Variants in NEBL observed in about 807,000 individuals in gnomAD.
NEBL encodes nebulette, also known as LIM and SH3 protein 2.
A neutral mutation model predicts 140.2 loss-of-function variants in NEBL; 122 were observed. The ratio of observed to expected loss-of-function variants is 0.87; its 90% CI spans 0.75 to 1.01. The LOEUF (loss-of-function observed/expected upper bound fraction) is 1.01, where lower values mean the gene tolerates loss of function less well. NEBL is among the 50% of genes least tolerant of loss of function. The pLI is 0.00. For missense variants in NEBL, 1,365 were observed against 1,231.3 expected, an observed-to-expected ratio of 1.11 and a Z score of -1.62; for synonymous variants, 436 against 398.9, an observed-to-expected ratio of 1.09 and a Z score of -1.11.
intron 15 of NEBL, 50 bp downstream of exon 15, chr10:20,831,423 C>G: frequency 6.5e-7 from 1 of 1,531,862 alleles, no homozygotes; most frequent in South Asian, 1.1e-5. Flanking sequence ...CTCTTTCCAG[C>G]TATGATTCAC....
chr10:21,155,788 C>T (rs750142092), intron 2 of NEBL, among the ~76,000 whole-genome samples: 1 of 152,204 alleles, frequency 6.6e-6, no homozygotes, highest in South Asian at 2.1e-4. Context: ...TGGAAAAGCA[C>T]TATCACATGG....
rs1273194691 is a variant in NEBL, at chr10:21,130,303, T to C, written c.164+42080A>G. Among the ~76,000 whole-genome samples, 10 of 151,990 alleles carry C rather than the reference T, an allele frequency of 6.6e-5. No homozygotes were observed. The East Asian group carries it at 1.4e-3, about 21-fold the overall frequency. On this transcript the variant is annotated intron_variant, in intron 2 of 6. Transcript: ENST00000417816. ...GAAGCAGATGAGTTTACTCTTACAG[T>C]TGGAAATTTCAACACCCCTCTATCA...
At chr10:21,204,467 G>A (rs773204583) in intron 3 of NEBL, among the ~76,000 whole-genome samples, 15 of 151,604 alleles carry the variant, frequency 9.9e-5, no homozygotes, top group South Asian at 2.1e-4. Flanking sequence ...CTTTCCATGC[G>A]CACATGATGA....
intron 1 of NEBL, among the ~76,000 whole-genome samples, chr10:21,256,822 G>C (rs1301620830): frequency 6.6e-6 from 1 of 152,220 alleles, no homozygotes; most frequent in Non-Finnish European, 1.5e-5. Context: ...CTAGGCAACA[G>C]AGCAAGACCC....
In NEBL at chr10:20,785,683, T is replaced by A. The variant is rs911963090; in HGVS notation, c.*64A>T. The A allele has an allele frequency of 8.5e-6, 13 of 1,532,230 alleles. No homozygotes were observed. The East Asian group carries it at 2.8e-4, about 33-fold the overall frequency. 94.9% of individuals were successfully genotyped at this position (1,532,230 alleles called of 1,614,324 possible). On this transcript the variant is annotated 3_prime_UTR_variant, in exon 28 of 28. Transcript: ENST00000377122. ...GCCAAGTTGTCTTAAAAGTATCTTC[T>A]ATCTTTTAAAAAGATTAGGTTTGGG...
chr10:20,891,439 A>G (rs1250578947), intron 2 of NEBL, among the ~76,000 whole-genome samples: 1 of 152,204 alleles, frequency 6.6e-6, no homozygotes, highest in African/African-American at 2.4e-5. Context: ...CCGTTATATA[A>G]TTAAGTGTGA....
At chr10:21,020,140 G>C in exon 3 of NEBL, 1 of 1,614,078 alleles carries the variant, frequency 6.2e-7, no homozygotes, top group Non-Finnish European at 8.5e-7. Context: ...TCACTTTGCT[G>C]CTTCAGGCGA....
chr10:20,813,849 G>A (rs1838411060), intron 23 of NEBL, 90 bp downstream of exon 23: 2 of 866,236 alleles, frequency 2.3e-6, no homozygotes, highest in Admixed American at 1.8e-5. Context: ...TGCTTTGTTA[G>A]TTATCGGATT....
At chr10:21,277,918 G>A (rs1842944578) in intron 1 of NEBL, among the ~76,000 whole-genome samples, 1 of 152,140 alleles carries the variant, frequency 6.6e-6, no homozygotes, top group African/African-American at 2.4e-5. Flanking sequence ...CTTCTTGTTT[G>A]TAAACTGGGA....
intron 3 of NEBL, among the ~76,000 whole-genome samples, chr10:21,225,988 C>T (rs941667904): frequency 6.6e-6 from 1 of 152,084 alleles, no homozygotes; most frequent in African/African-American, 2.4e-5. Context: ...TGGGAATGTG[C>T]TGGGTCACAC....
intron 2 of NEBL, among the ~76,000 whole-genome samples, chr10:21,134,744 G>A (rs74121053): frequency 5.3e-4 from 81 of 152,250 alleles, no homozygotes; most frequent in African/African-American, 1.9e-3. Context: ...AATTAGATGG[G>A]GAAACCTTCT....
At chr10:21,268,814 T>A (rs1298063591) in intron 1 of NEBL, among the ~76,000 whole-genome samples, 2 of 152,048 alleles carry the variant, frequency 1.3e-5, no homozygotes, top group African/African-American at 4.8e-5. Flanking sequence ...CATGAGCCAC[T>A]GCACCTGGCC....
chr10:20,923,603 C>T (rs1042984094), intron 4 of NEBL, among the ~76,000 whole-genome samples: 8 of 124,322 alleles, frequency 6.4e-5, no homozygotes, highest in South Asian at 2.7e-4. Context: ...CGCTTGAACC[C>T]GGGAGGTGGA....
In NEBL at chr10:20,784,896, G is replaced by A. The variant is rs1463839257; in HGVS notation, c.*851C>T. 6.6e-6 allele frequency: 1 copy of A among 152,514 alleles called. No homozygotes were observed. Among genetic ancestry groups the A allele is most frequent in the Non-Finnish European group, 1.5e-5 (1 of 68,032 alleles). 9.4% of individuals were successfully genotyped at this position (152,514 alleles called of 1,614,324 possible). A position where few individuals can be genotyped will look rare whatever the true frequency, so the allele number is the denominator to read the frequency against. Reference sequence around the variant, plus strand: ...CGACTAGAGGAAGAAAGGGCTTTTAGGTATCAGTCACCCTTTTTGCTTCAA... The same window carrying A: ...CGACTAGAGGAAGAAAGGGCTTTTAAGTATCAGTCACCCTTTTTGCTTCAA... On this transcript the variant is annotated 3_prime_UTR_variant, in exon 28 of 28. Transcript: ENST00000377122.
intron 13 of NEBL, among the ~76,000 whole-genome samples, chr10:20,838,934 TA>T (rs1395355814): frequency 5.3e-5 from 8 of 152,154 alleles, no homozygotes; most frequent in East Asian, 3.8e-4. Flanking sequence ...GGTATAAACA[TA>T]ACATGTATAT....
Position 20,823,258 on chromosome 10 carries a change from C to G in NEBL, c.1912G>C (p.Asp638His). The G allele has an allele frequency of 6.2e-7, 1 of 1,609,626 alleles. No individual in the cohort carries two copies. Residue 638 changes from aspartate (D) to histidine (H), a missense_variant, in exon 19 of 28, where the codon GAT (aspartate) becomes CAT (histidine). Asp to His is a moderately conservative substitution (Grantham distance 81). Coordinates refer to ENST00000377122, the MANE Select transcript of NEBL (RefSeq NM_006393.3). ...TTAACTCTCTTTAGTTCTGGAGGATCAGAAATGGCTGTTGCATGTTTAATC... is the reference window on the plus strand; with the variant it reads ...TTAACTCTCTTTAGTTCTGGAGGATGAGAAATGGCTGTTGCATGTTTAATC... ...EEIKHATAIS[D>H]PPELKRVKEN...
intron 3 of NEBL, among the ~76,000 whole-genome samples, chr10:20,965,627 T>C (rs1215444178): frequency 6.6e-6 from 1 of 152,220 alleles, no homozygotes; most frequent in East Asian, 1.9e-4. Context: ...CTGTGGGTCA[T>C]GGGGCCCGTG....
At chr10:21,085,445 G>A (rs1836579210) in intron 2 of NEBL, among the ~76,000 whole-genome samples, 1 of 152,072 alleles carries the variant, frequency 6.6e-6, no homozygotes, top group African/African-American at 2.4e-5. Context: ...AACAAAATGA[G>A]AACCTGTCTC....
At chr10:20,914,519 C>T (rs764106965) in intron 4 of NEBL, among the ~76,000 whole-genome samples, 10 of 152,224 alleles carry the variant, frequency 6.6e-5, no homozygotes, top group Middle Eastern at 3.4e-3. Context: ...TTTCATAAAG[C>T]GAATTGTTTA....
Sources: allele counts gnomAD v4.1 joint callset (sites outside exome capture counted in the v4.1 genomes callset), GRCh38; gene constraint gnomAD v4.1.1; transcripts MANE v1.5; gene names NCBI Gene and HGNC (gene_info 2026-07-23, HGNC 2026-07-21).